The following NETO2 variants were observed in gnomAD, a reference collection of about 807,000 sequenced individuals.
NETO2 encodes the protein neuropilin and tolloid like 2, also known as neuropilin and tolloid-like protein 2.
A neutral mutation model predicts 62.5 loss-of-function variants in NETO2; 28 were observed. The ratio of observed to expected loss-of-function variants is 0.45; its 90% CI spans 0.33 to 0.61. The LOEUF (loss-of-function observed/expected upper bound fraction) is 0.61. Ranked by LOEUF, NETO2 falls within the 20% of genes least tolerant of loss-of-function variation. NETO2 has a pLI of 0.02. For synonymous variants in NETO2, 214 were observed against 219.1 expected (o/e 0.98, Z 0.21); for missense variants, 548 against 643.2 (o/e 0.85, Z 1.60).
chr16:47,118,056 T>A (rs995100147), intron 6 of NETO2, among the ~76,000 whole-genome samples: 1 of 152,212 alleles, frequency 6.6e-6, no homozygotes, highest in African/African-American at 2.4e-5. Context: ...GATTTTTCAT[T>A]GTATCTTGGA....
intron 1 of NETO2, among the ~76,000 whole-genome samples, chr16:47,143,163 G>A (rs1460522759): frequency 1.3e-5 from 2 of 152,134 alleles, no homozygotes; most frequent in Non-Finnish European, 2.9e-5. Context: ...TGTTCTCGTG[G>A]AATTACTTTT....
At position 47,083,531 on chromosome 16, in the gene NETO2, T is replaced by A; in HGVS notation, c.1268A>T (p.Gln423Leu). 3 of 1,614,196 alleles carry A rather than the reference T, an allele frequency of 1.9e-6. No individual in the cohort carries two copies. Among genetic ancestry groups the A allele is most frequent in the Non-Finnish European group, 2.5e-6 (3 of 1,180,032 alleles). Residue 423 changes from glutamine (Q) to leucine (L), a missense_variant, in exon 9 of 9, where the codon CAG becomes CTG. Gln to Leu is a moderately radical substitution (Grantham distance 113). Transcript: ENST00000562435. ...ADLSEELDNY[Q>L]KMRRSSTASR... ...GGCGGTGGAGGAGCGCCGCATCTTCTGGTAGTTGTCCAATTCTTCCGACAA... is the reference window on the plus strand; with the variant it reads ...GGCGGTGGAGGAGCGCCGCATCTTCAGGTAGTTGTCCAATTCTTCCGACAA...
In NETO2 at chr16:47,122,659, T is replaced by G. The variant is rs776639614; in HGVS notation, c.652A>C (p.Lys218Gln). ...AGCGACTCAATACATAATAATACCT[T>G]AGCTTTTGGAGTGGCTTTAATGGTC... ...IWTIKATPKA[K>Q]IYLRFLDYQM... is the part of the protein sequence containing the mutation. The change falls in exon 6 of 9, where the codon AAG (lysine) becomes CAG (glutamine). Residue 218 changes from lysine to glutamine, a missense_variant and splice_region_variant. By Grantham distance (53) the Lys-to-Gln change is moderately conservative. Transcript: ENST00000562435. The G allele has an allele frequency of 5.0e-6, 8 of 1,613,666 alleles. No homozygotes were observed. Among genetic ancestry groups the G allele is most frequent in the Non-Finnish European group, 5.9e-6 (7 of 1,179,926 alleles).
intron 7 of NETO2, among the ~76,000 whole-genome samples, chr16:47,092,975 C>T (rs1251484189): frequency 6.6e-6 from 1 of 152,304 alleles, no homozygotes; most frequent in East Asian, 1.9e-4. Flanking sequence ...TCCGTTTCCC[C>T]ACTCTTCTTT....
intron 7 of NETO2, among the ~76,000 whole-genome samples, chr16:47,096,566 AAC>A (rs1455556776): frequency 2.0e-5 from 3 of 152,238 alleles, no homozygotes; most frequent in African/African-American, 7.2e-5. Context: ...AATTCCTAGA[AAC>A]ACACAATCAA....
At chr16:47,088,102 ATTTTTTTTTC>A (rs1963236514) in intron 7 of NETO2, among the ~76,000 whole-genome samples, 1 of 151,180 alleles carries the variant, frequency 6.6e-6, no homozygotes, top group African/African-American at 2.4e-5. Context: ...AACCTTAGCA[ATTTTTTTTTC>A]TTTTTTTTTG....
chr16:47,116,917 T>C (rs1963934961), intron 6 of NETO2, among the ~76,000 whole-genome samples: 2 of 152,212 alleles, frequency 1.3e-5, no homozygotes, highest in Admixed American at 6.5e-5. Context: ...CCCTGTATTT[T>C]CTTACTCCTT....
intron 4 of NETO2, among the ~76,000 whole-genome samples, chr16:47,124,336 C>A (rs1419070152): frequency 6.6e-6 from 1 of 152,024 alleles, no homozygotes; most frequent in Non-Finnish European, 1.5e-5. Flanking sequence ...TTCCAGAAAT[C>A]TAGGATATTG....
At chr16:47,112,725 T>G (rs1020353546) in intron 6 of NETO2, among the ~76,000 whole-genome samples, 8 of 152,240 alleles carry the variant, frequency 5.3e-5, no homozygotes, top group Non-Finnish European at 1.2e-4. Context: ...TGTAATAATT[T>G]TTTTAAGTTT....
chr16:47,115,732 C>CATATATATATATACAT (rs1390345855), intron 6 of NETO2, among the ~76,000 whole-genome samples: 1 of 134,478 alleles, frequency 7.4e-6, no homozygotes, highest in African/African-American at 3.2e-5. Flanking sequence ...TATATATATA[C>CATATATATATATACAT]ATGTATATAT....
intron 1 of NETO2, among the ~76,000 whole-genome samples, chr16:47,138,583 G>GT (rs1164856623): frequency 1.3e-5 from 2 of 152,164 alleles, no homozygotes; most frequent in Admixed American, 1.3e-4. Flanking sequence ...TCATTTTGGG[G>GT]AACTGTGCGC....
intron 1 of NETO2, among the ~76,000 whole-genome samples, chr16:47,141,124 A>G (rs890683045): frequency 1.3e-5 from 2 of 152,256 alleles, no homozygotes; most frequent in Admixed American, 6.5e-5. Flanking sequence ...TGAAAGTAAA[A>G]CAAGAATAAT....
chr16:47,132,046 A>C (rs747078526), intron 1 of NETO2, 21 bp from the exon 2 acceptor site: 2 of 1,578,164 alleles, frequency 1.3e-6, no homozygotes, highest in Admixed American at 1.7e-5. Context: ...AACAGAGAAG[A>C]AAAGTTATGA....
At chr16:47,138,362 T>C (rs1229408213) in intron 1 of NETO2, among the ~76,000 whole-genome samples, 1 of 152,206 alleles carries the variant, frequency 6.6e-6, no homozygotes, top group Non-Finnish European at 1.5e-5. Flanking sequence ...ATCGTGCCAC[T>C]GCACTCCAGC....
At chr16:47,089,138 A>G (rs779048270) in intron 7 of NETO2, among the ~76,000 whole-genome samples, 12 of 152,298 alleles carry the variant, frequency 7.9e-5, no homozygotes, top group Non-Finnish European at 4.4e-5. Context: ...CTCTATATAC[A>G]GTTCAACAGT....
At chr16:47,104,722 T>G (rs1165716328) in intron 7 of NETO2, among the ~76,000 whole-genome samples, 1 of 152,156 alleles carries the variant, frequency 6.6e-6, no homozygotes, top group Admixed American at 6.5e-5. Context: ...AATCTTCACA[T>G]AATTTCTTTT....
chr16:47,141,587 T>C (rs977088444), intron 1 of NETO2, among the ~76,000 whole-genome samples: 2 of 152,220 alleles, frequency 1.3e-5, no homozygotes, highest in Non-Finnish European at 2.9e-5. Flanking sequence ...TAACAATTTA[T>C]TGAATCTTTC....
intron 1 of NETO2, among the ~76,000 whole-genome samples, chr16:47,135,705 T>C (rs1964351453): frequency 6.6e-6 from 1 of 152,088 alleles, no homozygotes; most frequent in Non-Finnish European, 1.5e-5. Context: ...AAGCAGACAA[T>C]TCTGTTCCTA....
chr16:47,129,606 TAAC>T (rs1226462793), intron 2 of NETO2, among the ~76,000 whole-genome samples: 1 of 152,126 alleles, frequency 6.6e-6, no homozygotes, highest in East Asian at 1.9e-4. Flanking sequence ...TATAGGCACT[TAAC>T]AAAGGGCAAA....
Sources: allele counts gnomAD v4.1 joint callset (sites outside exome capture counted in the v4.1 genomes callset), GRCh38; gene constraint gnomAD v4.1.1; transcripts MANE v1.5; gene names NCBI Gene and HGNC (gene_info 2026-07-23, HGNC 2026-07-21).